The following KIAA1671 variants were observed in gnomAD, a reference collection of about 807,000 sequenced individuals.
The protein encoded by KIAA1671 is uncharacterized protein KIAA1671.
In KIAA1671, 52 loss-of-function variants were observed where a neutral mutation model predicts 131.2. That is an observed-to-expected ratio of 0.40 (90% CI 0.32 to 0.50). The LOEUF is 0.50. Ranked by LOEUF, KIAA1671 falls within the 20% of genes least tolerant of loss-of-function variation. The pLI is 0.73. For synonymous variants in KIAA1671, 1,003 were observed against 961.6 expected, an observed-to-expected ratio of 1.04 and a Z score of -0.80; for missense variants, 2,360 against 2,364.2, an observed-to-expected ratio of 1.00 and a Z score of 0.04.
At chr22:25,178,917 T>G (rs888779743) in intron 9 of KIAA1671, among the ~76,000 whole-genome samples, 1 of 152,190 alleles carries the variant, frequency 6.6e-6, no homozygotes, top group Non-Finnish European at 1.5e-5. Context: ...CCTCGCCTGC[T>G]GGCCAGGGGC....
chr22:25,037,908 C>T (rs1172588882), intron 4 of KIAA1671, among the ~76,000 whole-genome samples: 14 of 152,018 alleles, frequency 9.2e-5, no homozygotes, highest in South Asian at 4.2e-4. Context: ...GGCACGACCT[C>T]GGCTCACTGC....
At chr22:25,117,968 A>G (rs1372517153) in intron 6 of KIAA1671, among the ~76,000 whole-genome samples, 1 of 151,712 alleles carries the variant, frequency 6.6e-6, no homozygotes, top group East Asian at 1.9e-4. Context: ...GAGAAACCCC[A>G]TCTCTACTAA....
At chr22:25,019,599 GT>G (rs369486668) in intron 1 of KIAA1671, among the ~76,000 whole-genome samples, 2,069 of 142,770 alleles carry the variant, frequency 0.014, 19 homozygotes, top group Non-Finnish European at 0.021. Context: ...TCTCCAACAT[GT>G]TTTTTTTTTT....
intron 6 of KIAA1671, chr22:25,055,259 A>T (rs1018220896): frequency 8.7e-5 from 13 of 149,974 alleles, no homozygotes; most frequent in Non-Finnish European, 1.9e-4. Context: ...ACTTGAAATA[A>T]GTGGGAACTT....
intron 1 of KIAA1671, among the ~76,000 whole-genome samples, chr22:24,997,795 A>G (rs1022572057): frequency 2.6e-5 from 4 of 152,200 alleles, no homozygotes; most frequent in African/African-American, 9.7e-5. Flanking sequence ...GTATGTATAC[A>G]AGATGTAATC....
rs2146063072 is a variant in KIAA1671 at position 25,195,288 on chromosome 22, C to T, written c.*2887C>T. ...TTCAGTAGATACCCTTCTTCATGGT[C>T]CTTTGCCTAATCAAACAGAGGCTTT... On this transcript the variant is annotated 3_prime_UTR_variant, in exon 13 of 13. Coordinates refer to ENST00000358431, the MANE Select transcript of KIAA1671 (RefSeq NM_001145206.2). 6.6e-6 allele frequency: 1 copy of T among 152,300 alleles called. No individual in the cohort carries two copies. The highest frequency in any genetic ancestry group is 2.1e-4 in the South Asian group (1 of 4,808). The allele number at this position is 152,300 out of a possible 1,614,324, so 9.4% of individuals were successfully genotyped here.
At chr22:25,176,493 G>A (rs1473091980) in intron 8 of KIAA1671, 1 of 152,226 alleles carries the variant, frequency 6.6e-6, no homozygotes, top group African/African-American at 2.4e-5. Flanking sequence ...CCACACCTGA[G>A]CACAGGGAGT....
In KIAA1671 at chr22:25,194,971, T is replaced by C. The variant is rs1440128135; in HGVS notation, c.*2570T>C. 2 of 152,196 alleles carry C rather than the reference T, an allele frequency of 1.3e-5. No individual in the cohort carries two copies. Among genetic ancestry groups the C allele is most frequent in the African/African-American group, 4.8e-5 (2 of 41,454 alleles). The allele number at this position is 152,196 out of a possible 1,614,324, so 9.4% of individuals were successfully genotyped here. On this transcript the variant is annotated 3_prime_UTR_variant, in exon 13 of 13. Coordinates refer to ENST00000358431, the MANE Select transcript of KIAA1671 (RefSeq NM_001145206.2). ...CTCTTTGAGGCTAAGCAAGGAGGCGTTGTATGCTAGTTTCTAGACTTTGCC... is the reference window on the plus strand; with the variant it reads ...CTCTTTGAGGCTAAGCAAGGAGGCGCTGTATGCTAGTTTCTAGACTTTGCC...
intron 1 of KIAA1671, among the ~76,000 whole-genome samples, chr22:24,978,396 T>C (rs767123268): frequency 2.0e-5 from 3 of 152,152 alleles, no homozygotes; most frequent in Admixed American, 1.3e-4. Context: ...GAACTGTAAA[T>C]CCAATTAAAC....
chr22:24,980,204 G>A (rs934346364), intron 1 of KIAA1671, among the ~76,000 whole-genome samples: 2 of 150,266 alleles, frequency 1.3e-5, no homozygotes, highest in African/African-American at 2.5e-5. Context: ...TTGTTTCCAC[G>A]TTTTAGCTAG....
chr22:25,019,359 T>C (rs1639734453), intron 1 of KIAA1671, among the ~76,000 whole-genome samples: 1 of 152,096 alleles, frequency 6.6e-6, no homozygotes, highest in South Asian at 2.1e-4. Flanking sequence ...TTGTAAAGCA[T>C]TTAGTGTAGT....
intron 6 of KIAA1671, among the ~76,000 whole-genome samples, chr22:25,148,812 T>C (rs1932944317): frequency 6.6e-6 from 1 of 152,228 alleles, no homozygotes; most frequent in Non-Finnish European, 1.5e-5. Flanking sequence ...GTAAGTGCTC[T>C]GGTCTACCCT....
At chr22:24,995,578 T>TC (rs1393365954) in intron 1 of KIAA1671, among the ~76,000 whole-genome samples, 2 of 151,284 alleles carry the variant, frequency 1.3e-5, no homozygotes, top group Non-Finnish European at 2.9e-5. Context: ...CAGGATGGTC[T>TC]CCAACTCCTG....
chr22:25,158,326 A>T (rs1813732578), intron 6 of KIAA1671, among the ~76,000 whole-genome samples: 1 of 152,214 alleles, frequency 6.6e-6, no homozygotes, highest in Non-Finnish European at 1.5e-5. Flanking sequence ...CTTCCTGTCC[A>T]CTGTGGCTGT....
At chr22:25,086,465 AG>A (rs1929725403) in intron 6 of KIAA1671, among the ~76,000 whole-genome samples, 1 of 152,230 alleles carries the variant, frequency 6.6e-6, no homozygotes. Context: ...GAACTTCTTG[AG>A]GAGAGGAATG....
At chr22:25,183,670 C>T (rs1261902395) in intron 10 of KIAA1671, among the ~76,000 whole-genome samples, 21 of 151,784 alleles carry the variant, frequency 1.4e-4, no homozygotes, top group Admixed American at 1.3e-3. Context: ...CTACAGGCGC[C>T]GGCCACCATG....
chr22:25,145,253 C>G (rs1222863184), intron 6 of KIAA1671, among the ~76,000 whole-genome samples: 2 of 152,218 alleles, frequency 1.3e-5, no homozygotes, highest in Admixed American at 1.3e-4. Context: ...GCTCTTTTCC[C>G]CAGTGGGGGT....
At chr22:24,964,418 A>G (rs1204792773) in intron 1 of KIAA1671, among the ~76,000 whole-genome samples, 2 of 151,486 alleles carry the variant, frequency 1.3e-5, no homozygotes, top group East Asian at 1.9e-4. Context: ...TCATTTTCCT[A>G]TGTACTTTTT....
intron 6 of KIAA1671, among the ~76,000 whole-genome samples, chr22:25,165,561 T>TCCATTTC (rs1933617042): frequency 6.6e-6 from 1 of 152,206 alleles, no homozygotes; most frequent in Non-Finnish European, 1.5e-5. Context: ...GAAATATGGC[T>TCCATTTC]AGTGCCACAG....
Sources: allele counts gnomAD v4.1 joint callset (sites outside exome capture counted in the v4.1 genomes callset), GRCh38; gene constraint gnomAD v4.1.1; transcripts MANE v1.5; gene names NCBI Gene and HGNC (gene_info 2026-07-23, HGNC 2026-07-21).